OVOL2: variants seen among roughly 807,000 people sequenced by gnomAD.
The protein encoded by OVOL2 is transcription factor Ovo-like 2.
A neutral mutation model predicts 18.1 loss-of-function variants in OVOL2; 13 were observed. The observed-to-expected ratio is 0.72, with a 90% CI of 0.47 to 1.14. The LOEUF (loss-of-function observed/expected upper bound fraction) is 1.14. Among genes scored for constraint, OVOL2 ranks in the 50% most tolerant of loss-of-function variants. OVOL2 has a pLI of 0.00. For missense variants in OVOL2, 335 were observed against 383.0 expected (o/e 0.87, Z 1.05); for synonymous variants, 166 against 162.7 (o/e 1.02, Z -0.16).
chr20:18,046,033 C>T (rs1010014361), intron 2 of OVOL2, among the ~76,000 whole-genome samples: 19 of 152,122 alleles, frequency 1.2e-4, no homozygotes, highest in African/African-American at 4.6e-4. Flanking sequence ...GTGCTGCTTA[C>T]CACCCTTATG....
intron 3 of OVOL2, among the ~76,000 whole-genome samples, chr20:18,039,619 AAAAGAAAG>A (rs1317102674): frequency 2.9e-5 from 4 of 136,496 alleles, no homozygotes; most frequent in Non-Finnish European, 3.1e-5. Context: ...AAAAAAAAAA[AAAAGAAAG>A]AAAGAAAGAA....
intron 2 of OVOL2, among the ~76,000 whole-genome samples, chr20:18,050,955 C>A (rs540283595): frequency 1.2e-4 from 19 of 152,272 alleles, no homozygotes; most frequent in African/African-American, 3.6e-4. Flanking sequence ...GTATTCAAGT[C>A]TGTCTTGGGA....
At chr20:18,043,742 C>T (rs549381818) in intron 2 of OVOL2, among the ~76,000 whole-genome samples, 1 of 152,320 alleles carries the variant, frequency 6.6e-6, no homozygotes, top group East Asian at 1.9e-4. Context: ...GTCTGGACTC[C>T]CTGCCCAGTG....
At chr20:18,047,664 A>C (rs1013969618) in intron 2 of OVOL2, among the ~76,000 whole-genome samples, 2 of 147,550 alleles carry the variant, frequency 1.4e-5, no homozygotes, top group African/African-American at 5.0e-5. Flanking sequence ...GACCAGCCTG[A>C]CCAACATGGT....
At chr20:18,055,572 C>T (rs967444775) in intron 2 of OVOL2, among the ~76,000 whole-genome samples, 3 of 152,178 alleles carry the variant, frequency 2.0e-5, no homozygotes, top group Non-Finnish European at 2.9e-5. Context: ...AGTTCAAAAC[C>T]AAATGCGCCT....
intron 3 of OVOL2, among the ~76,000 whole-genome samples, chr20:18,032,403 A>G (rs926387928): frequency 2.0e-5 from 3 of 149,780 alleles, no homozygotes; most frequent in Non-Finnish European, 2.9e-5. Context: ...GAAGGGAGGA[A>G]GGAAGGAAGG....
intron 3 of OVOL2, among the ~76,000 whole-genome samples, chr20:18,038,571 A>G (rs1223810672): frequency 6.6e-6 from 1 of 152,190 alleles, no homozygotes; most frequent in Non-Finnish European, 1.5e-5. Context: ...AATTAACTCA[A>G]TCACAGGGGA....
Position 18,057,725 on chromosome 20 carries a change from G to C in OVOL2, c.-91C>G. 6.9e-7 allele frequency: 1 copy of C among 1,458,814 alleles called. No individual in the cohort carries two copies. The highest frequency in any genetic ancestry group is 9.0e-7 in the Non-Finnish European group (1 of 1,108,406). The allele number at this position is 1,458,814 out of a possible 1,614,324, so 90.4% of individuals were successfully genotyped here. On this transcript the variant is annotated 5_prime_UTR_variant, in exon 1 of 4. Transcript: ENST00000278780. The surrounding 1 kb of genome is among the most constrained non-coding windows in gnomAD (Gnocchi z 6.3). ...GCGGCTCCGTCCCCGGCTCCCGGCG[G>C]CCAGAGCCCACCTTCCCGCCTCGCC...
intron 3 of OVOL2, among the ~76,000 whole-genome samples, chr20:18,038,300 C>T (rs1340456054): frequency 6.6e-6 from 1 of 152,190 alleles, no homozygotes; most frequent in Non-Finnish European, 1.5e-5. Context: ...ATTTACTACG[C>T]ACTTACAATA....
Position 18,053,074 on chromosome 20 carries a change from G to A in OVOL2, c.321+3583C>T, listed in dbSNP as rs555394092. On this transcript the variant is annotated intron_variant, in intron 2 of 3. Transcript: ENST00000278780. Reference sequence around the variant, plus strand: ...TTCACAATCTGCCCTGAGGCACACCGTCAAAAGGCAGGTAGGCTGGGAAGG... The same window carrying A: ...TTCACAATCTGCCCTGAGGCACACCATCAAAAGGCAGGTAGGCTGGGAAGG... Among the ~76,000 whole-genome samples, 73 of 152,272 alleles carry A rather than the reference G, an allele frequency of 4.8e-4. 1 individual carries two copies. The highest frequency in any genetic ancestry group is 1.6e-3 in the African/African-American group (68 of 41,550).
intron 2 of OVOL2, among the ~76,000 whole-genome samples, chr20:18,052,802 T>C (rs2036782271): frequency 6.6e-6 from 1 of 152,242 alleles, no homozygotes; most frequent in South Asian, 2.1e-4. Flanking sequence ...TACTTGGACC[T>C]GGGTCCTACC....
intron 2 of OVOL2, among the ~76,000 whole-genome samples, chr20:18,048,998 C>T (rs146297965): frequency 4.6e-5 from 7 of 152,246 alleles, no homozygotes; most frequent in Admixed American, 3.3e-4. Context: ...GGCTTATTAA[C>T]GAGGTGGGGA....
At chr20:18,058,372 C>G (rs1191979510), upstream of OVOL2, among the ~76,000 whole-genome samples, 1 of 151,050 alleles carries the variant, frequency 6.6e-6, no homozygotes, top group African/African-American at 2.4e-5. Context: ...GGGGTGGGGG[C>G]TTAGGGGCTT....
intron 3 of OVOL2, among the ~76,000 whole-genome samples, chr20:18,039,800 G>A (rs983458366): frequency 1.3e-5 from 2 of 152,110 alleles, no homozygotes; most frequent in Non-Finnish European, 2.9e-5. Flanking sequence ...GGATGCAGAG[G>A]CCTAAGAAGG....
At chr20:18,033,396 G>A (rs1464711531) in intron 3 of OVOL2, among the ~76,000 whole-genome samples, 11 of 152,256 alleles carry the variant, frequency 7.2e-5, no homozygotes, top group Admixed American at 5.2e-4. Flanking sequence ...TCCAGCCAGC[G>A]TTGTTAAGTT....
intron 2 of OVOL2, among the ~76,000 whole-genome samples, chr20:18,048,189 A>C (rs1050460814): frequency 1.2e-4 from 19 of 152,204 alleles, no homozygotes; most frequent in African/African-American, 4.1e-4. Context: ...CAGGAGGCTG[A>C]GGCACGAGAA....
intron 2 of OVOL2, among the ~76,000 whole-genome samples, chr20:18,043,510 T>C (rs905043987): frequency 2.6e-5 from 4 of 152,170 alleles, no homozygotes; most frequent in African/African-American, 9.7e-5. Context: ...AGGAGCCAGA[T>C]ATGAATAAAG....
chr20:18,031,137 T>C (rs2122692933), intron 3 of OVOL2, among the ~76,000 whole-genome samples: 1 of 152,292 alleles, frequency 6.6e-6, no homozygotes, highest in East Asian at 1.9e-4. Context: ...GTCATTAACC[T>C]ACTGACACCC....
At chr20:18,024,982 G>A (rs199580280) in intron 3 of OVOL2, 30 bp from the exon 4 acceptor site, 42 of 1,586,926 alleles carry the variant, frequency 2.6e-5, no homozygotes, top group South Asian at 2.2e-4. Flanking sequence ...ACACAGCATC[G>A]GTTGGTCATG....
Sources: allele counts gnomAD v4.1 joint callset (sites outside exome capture counted in the v4.1 genomes callset), GRCh38; gene constraint gnomAD v4.1.1; non-coding constraint Gnocchi (gnomAD v3.1); transcripts MANE v1.5; gene names NCBI Gene and HGNC (gene_info 2026-07-23, HGNC 2026-07-21).